Variants in PANK1 observed in about 807,000 individuals in gnomAD.
PANK1 encodes the protein pantothenate kinase 1.
In PANK1, 18 loss-of-function variants were observed where a neutral mutation model predicts 40.1. The observed-to-expected ratio is 0.45, with a 90% confidence interval of 0.31 to 0.67. PANK1 has a LOEUF of 0.67. PANK1 is among the 30% of genes least tolerant of loss of function. The pLI, the probability that PANK1 is intolerant of heterozygous loss-of-function variation, is 0.06. For missense variants in PANK1, 457 were observed against 599.6 expected (o/e 0.76, Z 2.48); for synonymous variants, 242 against 237.7 (o/e 1.02, Z -0.17).
chr10:89,625,707 CTTTTA>C (rs796182287), intron 1 of PANK1: 6 of 149,606 alleles, frequency 4.0e-5, no homozygotes, highest in African/African-American at 7.4e-5. Context: ...AGCTCTGTTG[CTTTTA>C]TTTTATTTTG....
chr10:89,608,105 T>C (rs7076776), intron 2 of PANK1, among the ~76,000 whole-genome samples: 20,735 of 150,948 alleles, frequency 0.14, 1,981 homozygotes, highest in African/African-American at 0.26. Context: ...CATCTCAGCT[T>C]ACTGCAAGCT....
chr10:89,642,215 T>C (rs1414000493), intron 1 of PANK1, among the ~76,000 whole-genome samples: 1 of 152,240 alleles, frequency 6.6e-6, no homozygotes, highest in Non-Finnish European at 1.5e-5. Flanking sequence ...TTAAAATTTG[T>C]TAAATAATCT....
chr10:89,601,155 G>C (rs1844770312), intron 2 of PANK1, among the ~76,000 whole-genome samples: 1 of 151,908 alleles, frequency 6.6e-6, no homozygotes, highest in South Asian at 2.1e-4. Flanking sequence ...TTGTCAAAAA[G>C]ATATTATCTT....
At chr10:89,603,000 C>T (rs1006729814) in intron 2 of PANK1, among the ~76,000 whole-genome samples, 3 of 151,966 alleles carry the variant, frequency 2.0e-5, no homozygotes, top group African/African-American at 7.3e-5. Flanking sequence ...CCCATATTAC[C>T]AATTTTATCT....
chr10:89,639,970 A>G (rs1254677315), intron 1 of PANK1, among the ~76,000 whole-genome samples: 2 of 152,210 alleles, frequency 1.3e-5, no homozygotes, highest in Non-Finnish European at 2.9e-5. Flanking sequence ...TACAGAACAC[A>G]CTTTTTTTTC....
At position 89,593,223 on chromosome 10, in the gene PANK1, T is replaced by G. The variant is rs771155871; in HGVS notation, c.1174A>C (p.Ile392Leu). 1 of 1,613,824 alleles carries G rather than the reference T, an allele frequency of 6.2e-7. No homozygotes were observed. Among genetic ancestry groups the G allele is most frequent in the Admixed American group, 1.7e-5 (1 of 60,002 alleles). ...TCATTCAACGCGCACATCCGAGCAA[T>G]GGAGCCAATGTTGTTGGTGATGGTG... ...LVTITNNIGS[I>L]ARMCALNENI... The change falls in exon 5 of 7, where the codon ATT (isoleucine) becomes CTT (leucine). Residue 392 changes from isoleucine (I) to leucine (L), a missense_variant. Physicochemically the swap from Ile to Leu is conservative, Grantham distance 5. Transcript: ENST00000307534.
rs1554837834 is a variant in PANK1 at position 89,595,720 on chromosome 10, T to TGAGGTGCAG, written c.900-1732_900-1731insCTGCACCTC. ...CTGTAATCCTAGCTACTCTGGATGC[T>TGAGGTGCAG]GAGGTGCGGGGATTACTTGTACCCT... is the stretch of plus-strand genomic sequence containing the variant. On this transcript the variant is annotated intron_variant, in intron 3 of 6. Coordinates refer to ENST00000307534, the MANE Select transcript of PANK1 (RefSeq NM_148977.3). 1.7e-4 allele frequency among the ~76,000 whole-genome samples: 25 copies of TGAGGTGCAG among 145,672 alleles called. No homozygotes were observed. The East Asian group carries it at 4.9e-3, about 29-fold the overall frequency.
At chr10:89,604,698 A>C (rs1212876485) in intron 2 of PANK1, among the ~76,000 whole-genome samples, 3 of 151,410 alleles carry the variant, frequency 2.0e-5, no homozygotes, top group Non-Finnish European at 4.4e-5. Flanking sequence ...GTCTCAAAAA[A>C]AAAAAAAAAA....
chr10:89,598,671 C>A (rs903695408), intron 3 of PANK1, among the ~76,000 whole-genome samples: 15 of 152,052 alleles, frequency 9.9e-5, no homozygotes, highest in Non-Finnish European at 2.2e-4. Context: ...GGGGTGTGTG[C>A]ACTGAAAAAC....
At chr10:89,608,142 C>T (rs1157959062) in intron 2 of PANK1, among the ~76,000 whole-genome samples, 1 of 151,826 alleles carries the variant, frequency 6.6e-6, no homozygotes, top group Non-Finnish European at 1.5e-5. Flanking sequence ...CGCCATTCTC[C>T]TGCCTCAGCC....
At chr10:89,595,825 AAAAAAAAAAT>A (rs1206021270) in intron 3 of PANK1, among the ~76,000 whole-genome samples, 6 of 69,384 alleles carry the variant, frequency 8.6e-5, no homozygotes, top group East Asian at 1.2e-3. Flanking sequence ...TTAAAAAAAA[AAAAAAAAAAT>A]ATATATATAT....
intron 1 of PANK1, among the ~76,000 whole-genome samples, 194 bp from the exon 2 acceptor site, chr10:89,612,242 A>G (rs1015132704): frequency 6.6e-6 from 1 of 152,164 alleles, no homozygotes; most frequent in Non-Finnish European, 1.5e-5. Flanking sequence ...AGAGTGCCCA[A>G]GGCTCTGCTC....
At chr10:89,591,868 C>T (rs1844399824) in intron 5 of PANK1, among the ~76,000 whole-genome samples, 1 of 152,020 alleles carries the variant, frequency 6.6e-6, no homozygotes. Context: ...CCTGCTGGCT[C>T]ACTCCAGCAA....
chr10:89,597,587 A>G lies in PANK1; in HGVS notation c.899+1665T>C, dbSNP rs532658183. Among the ~76,000 whole-genome samples, 5 of 152,338 alleles carry G rather than the reference A, an allele frequency of 3.3e-5. No homozygotes were observed. In the East Asian group the frequency reaches 9.6e-4, roughly 29 times the overall value. ...CACCACAGTTTGCTTCTTTGCAGCT[A>G]TCCAAGATGACCCAGATCTGCGGAG... On this transcript the variant is annotated intron_variant, in intron 3 of 6. Transcript: ENST00000307534.
chr10:89,592,645 A>T, intron 5 of PANK1: 1 of 490,478 alleles, frequency 2.0e-6, no homozygotes, highest in Non-Finnish European at 4.2e-6. Context: ...TTTCCAAACG[A>T]ATCTTGCAAT....
chr10:89,611,732 T>C lies in PANK1; in HGVS notation c.609A>G (p.Gly203=). ...CCTCTTCGAATTTGAAAGCCCCGCC[T>C]CCTGTGGCACAGAGGGTGGTGTGAA... The part of the protein sequence containing the change: ...SSLHTTLCAT[G]GGAFKFEEDF... Residue 203 remains glycine (G), a synonymous_variant, in exon 2 of 7, where the codon GGA becomes GGG. Transcript: ENST00000307534. 1 of 1,612,268 alleles carries C rather than the reference T, an allele frequency of 6.2e-7. No homozygotes were observed. The highest frequency in any genetic ancestry group is 8.5e-7 in the Non-Finnish European group (1 of 1,178,908).
intron 1 of PANK1, among the ~76,000 whole-genome samples, chr10:89,618,286 C>G (rs1241833101): frequency 1.3e-5 from 2 of 152,182 alleles, no homozygotes; most frequent in Non-Finnish European, 2.9e-5. Flanking sequence ...GTTTTCCAAT[C>G]TTTGTTTCAC....
At chr10:89,589,794 C>T (rs1385093970) in intron 5 of PANK1, among the ~76,000 whole-genome samples, 1 of 149,706 alleles carries the variant, frequency 6.7e-6, no homozygotes, top group African/African-American at 2.5e-5. Context: ...AAACTAGCCA[C>T]AAATCACCCA....
chr10:89,639,115 T>C (rs1338819543), intron 1 of PANK1: 3 of 394,992 alleles, frequency 7.6e-6, no homozygotes, highest in African/African-American at 2.0e-5. Flanking sequence ...TGTGACTGGG[T>C]AATTAATAAT....
Sources: gnomAD v4.1 joint callset for allele counts (sites outside exome capture counted in the v4.1 genomes callset) on GRCh38, gnomAD v4.1.1 for gene constraint, MANE v1.5 for transcripts, NCBI Gene and HGNC (gene_info 2026-07-23, HGNC 2026-07-21) for gene names.